The following DSCAML1 variants were observed in gnomAD, a reference collection of about 807,000 sequenced individuals.
DSCAML1 encodes the protein cell adhesion molecule DSCAML1.
In DSCAML1, 38 loss-of-function variants were observed where a neutral mutation model predicts 200.5. The ratio of observed to expected loss-of-function variants is 0.19; its 90% confidence interval spans 0.15 to 0.25. The LOEUF is 0.25. Among genes scored for constraint, DSCAML1 ranks in the 10% least tolerant of loss-of-function variants. The probability of loss-of-function intolerance (pLI) is 1.00; values close to 1 mark genes in which losing one functional copy is unlikely to be tolerated. For synonymous variants in DSCAML1, 1,215 were observed against 1,165.0 expected (o/e 1.04, Z -0.87); for missense variants, 2,223 against 2,858.8 (o/e 0.78, Z 5.07).
At chr11:117,739,572 G>T (rs2054384033) in intron 3 of DSCAML1, among the ~76,000 whole-genome samples, 2 of 152,222 alleles carry the variant, frequency 1.3e-5, no homozygotes, top group African/African-American at 2.4e-5. Flanking sequence ...GACAGCGTGA[G>T]CCACGCAGTG....
chr11:117,476,343 T>C (rs665406), intron 14 of DSCAML1, among the ~76,000 whole-genome samples: 83,776 of 151,888 alleles, frequency 0.55, 24,198 homozygotes, highest in African/African-American at 0.7. Flanking sequence ...GGAAGCACAT[T>C]CATTCTGCAT....
intron 3 of DSCAML1, among the ~76,000 whole-genome samples, chr11:117,741,036 C>G (rs962576704): frequency 3.3e-5 from 5 of 152,262 alleles, no homozygotes; most frequent in Non-Finnish European, 7.3e-5. Context: ...TGGCAACTAC[C>G]AATGTGGGGT....
intron 2 of DSCAML1, among the ~76,000 whole-genome samples, chr11:117,777,946 C>T (rs182911479): frequency 9.0e-4 from 137 of 152,264 alleles, no homozygotes; most frequent in African/African-American, 3.2e-3. Flanking sequence ...CTGCTGCCTC[C>T]CGACCTTGTC....
intron 3 of DSCAML1, among the ~76,000 whole-genome samples, chr11:117,590,217 C>T (rs1333829555): frequency 6.6e-6 from 1 of 152,070 alleles, no homozygotes; most frequent in South Asian, 2.1e-4. Flanking sequence ...TTAAAAGAGC[C>T]TTGCTCTGTT....
chr11:117,615,701 T>C (rs1310524479), intron 3 of DSCAML1, among the ~76,000 whole-genome samples: 1 of 151,660 alleles, frequency 6.6e-6, no homozygotes, highest in Non-Finnish European at 1.5e-5. Flanking sequence ...CCCAAGCAGG[T>C]ATTTTGGGTG....
At chr11:117,656,774 A>G (rs1225277663) in intron 3 of DSCAML1, among the ~76,000 whole-genome samples, 1 of 152,162 alleles carries the variant, frequency 6.6e-6, no homozygotes, top group Non-Finnish European at 1.5e-5. Context: ...TGAAGGGTTT[A>G]GCAACAGTGT....
At chr11:117,665,517 T>G (rs2052957968) in intron 3 of DSCAML1, among the ~76,000 whole-genome samples, 5 of 152,202 alleles carry the variant, frequency 3.3e-5, no homozygotes, top group Admixed American at 3.3e-4. Context: ...TTTGGCAGTC[T>G]ACTTATAAAA....
chr11:117,521,447 GA>G (rs1425724383), intron 5 of DSCAML1, 42 bp from the exon 6 acceptor site: 1 of 1,587,350 alleles, frequency 6.3e-7, no homozygotes, highest in Non-Finnish European at 8.6e-7. Flanking sequence ...TGGGAGGGAG[GA>G]AAGAACAGAA....
chr11:117,811,415 C>A, intron 1 of DSCAML1, among the ~76,000 whole-genome samples: 1 of 152,120 alleles, frequency 6.6e-6, no homozygotes. Context: ...TCAAGGTGTA[C>A]AATAATAAAA....
intron 3 of DSCAML1, among the ~76,000 whole-genome samples, chr11:117,636,244 T>A (rs1270013384): frequency 3.9e-5 from 6 of 152,188 alleles, no homozygotes; most frequent in Non-Finnish European, 5.9e-5. Flanking sequence ...TCCATATGTC[T>A]CCTGGCCAGA....
chr11:117,472,245 C>A (rs1013048295), intron 14 of DSCAML1, among the ~76,000 whole-genome samples: 2 of 152,192 alleles, frequency 1.3e-5, no homozygotes, highest in Admixed American at 6.5e-5. Flanking sequence ...GCCTGACTCT[C>A]CTCTGCCACT....
intron 3 of DSCAML1, among the ~76,000 whole-genome samples, chr11:117,644,221 A>T (rs945194273): frequency 2.6e-5 from 4 of 152,270 alleles, no homozygotes; most frequent in Non-Finnish European, 4.4e-5. Flanking sequence ...GAAAGGCTCC[A>T]GGAACAAGAT....
rs1329556892 is a variant in DSCAML1 at position 117,463,349 on chromosome 11, T to C, written c.3265+1593A>G. Among the ~76,000 whole-genome samples, 3 of 151,996 alleles carry C rather than the reference T, an allele frequency of 2.0e-5. No individual in the cohort carries two copies. In the East Asian group the frequency reaches 5.8e-4, roughly 29 times the overall value. On this transcript the variant is annotated intron_variant, in intron 17 of 32. Transcript: ENST00000651296. The surrounding 1 kb of genome is among the most constrained non-coding windows in gnomAD (Gnocchi z 4.0). Reference sequence around the variant, plus strand: ...CAAGCAGCATTACCTGGGAACTTATTAGAAATAATACATCCTTTTTTTTTT... The same window carrying C: ...CAAGCAGCATTACCTGGGAACTTATCAGAAATAATACATCCTTTTTTTTTT...
upstream of DSCAML1, among the ~76,000 whole-genome samples, chr11:117,799,151 G>A (rs537068597): frequency 7.2e-5 from 11 of 152,116 alleles, no homozygotes; most frequent in African/African-American, 1.9e-4. Context: ...ATCTCTCACC[G>A]CCCTCAGCCT....
chr11:117,745,201 C>T (rs763568451), intron 3 of DSCAML1, among the ~76,000 whole-genome samples: 3 of 61,804 alleles, frequency 4.9e-5, no homozygotes, highest in Admixed American at 2.5e-4. Flanking sequence ...GGGAGGCTCA[C>T]GGAGGGCTGG....
At chr11:117,790,421 C>T (rs570223816) in intron 1 of DSCAML1, among the ~76,000 whole-genome samples, 1 of 152,364 alleles carries the variant, frequency 6.6e-6, no homozygotes, top group South Asian at 2.1e-4. Context: ...GGCTGTGCCT[C>T]ATCAGCTGTT....
intron 21 of DSCAML1, among the ~76,000 whole-genome samples, 168 bp from the exon 22 acceptor site, chr11:117,440,104 C>T (rs2048012450): frequency 6.6e-6 from 1 of 152,186 alleles, no homozygotes; most frequent in African/African-American, 2.4e-5. Flanking sequence ...GGCTGGGAGA[C>T]ATTGACTCAA....
At chr11:117,561,356 T>C (rs2050659266) in intron 3 of DSCAML1, among the ~76,000 whole-genome samples, 2 of 152,208 alleles carry the variant, frequency 1.3e-5, no homozygotes, top group African/African-American at 4.8e-5. Flanking sequence ...TTTGGCCTCT[T>C]TGTCCAAAAT....
chr11:117,442,183 G>C (rs1337931006), intron 21 of DSCAML1, among the ~76,000 whole-genome samples: 1 of 100,154 alleles, frequency 1.0e-5, no homozygotes, highest in Non-Finnish European at 1.8e-5. Flanking sequence ...AGTGTGTATA[G>C]TGTGTATGTG....
Sources: gnomAD v4.1 joint callset for allele counts (sites outside exome capture counted in the v4.1 genomes callset) on GRCh38, gnomAD v4.1.1 for gene constraint, Gnocchi (gnomAD v3.1) non-coding constraint, MANE v1.5 for transcripts, NCBI Gene and HGNC (gene_info 2026-07-23, HGNC 2026-07-21) for gene names.